FBLN7: variants seen among roughly 807,000 people sequenced by gnomAD.
FBLN7 encodes the protein fibulin 7, also known as fibulin-7.
Under a neutral mutation model 44.0 loss-of-function variants are expected in FBLN7, and 31 were observed. The ratio of observed to expected loss-of-function variants is 0.70; its 90% confidence interval spans 0.53 to 0.95. The LOEUF (loss-of-function observed/expected upper bound fraction) is 0.95. FBLN7 is among the 40% of genes least tolerant of loss of function. The pLI, the probability that FBLN7 is intolerant of heterozygous loss-of-function variation, is 0.00. For synonymous variants in FBLN7, 262 were observed against 253.4 expected, an observed-to-expected ratio of 1.03 and a Z score of -0.32; for missense variants, 573 against 618.5, an observed-to-expected ratio of 0.93 and a Z score of 0.78.
chr2:112,153,678 C>T (rs1411341481), intron 1 of FBLN7, among the ~76,000 whole-genome samples: 1 of 152,210 alleles, frequency 6.6e-6, no homozygotes, highest in Non-Finnish European at 1.5e-5. Context: ...GGGGGACACA[C>T]ACCCATCTTT....
the FBLN7 span, chr2:112,211,454 C>T: frequency 1.3e-5 from 2 of 152,318 alleles, no homozygotes; most frequent in African/African-American, 4.8e-5. Context: ...CAAAGAACCA[C>T]TCTTTTTCAT....
the FBLN7 span, among the ~76,000 whole-genome samples, chr2:112,229,741 C>A: frequency 1.4e-3 from 211 of 152,180 alleles, no homozygotes; most frequent in African/African-American, 4.8e-3. Flanking sequence ...TGCTAAGCAC[C>A]ATTACTGTAC....
chr2:112,203,056 A>G, the FBLN7 span, among the ~76,000 whole-genome samples: 1 of 152,216 alleles, frequency 6.6e-6, no homozygotes, highest in African/African-American at 2.4e-5. Flanking sequence ...AAACAAAAAA[A>G]CAAAAAAACT....
intron 1 of FBLN7, among the ~76,000 whole-genome samples, chr2:112,145,576 A>T (rs1680864362): frequency 6.6e-6 from 1 of 152,154 alleles, no homozygotes; most frequent in Non-Finnish European, 1.5e-5. Flanking sequence ...TTAGTTTATC[A>T]ATTTTTTATT....
intron 6 of FBLN7, among the ~76,000 whole-genome samples, chr2:112,183,508 C>T (rs1223937117): frequency 6.6e-6 from 1 of 152,144 alleles, no homozygotes; most frequent in African/African-American, 2.4e-5. Context: ...GGGGGCTTAT[C>T]AGAGCCTGAA....
At chr2:112,216,347 C>T in the FBLN7 span, 16,684 of 152,450 alleles carry the variant, frequency 0.11, 1,227 homozygotes, top group Non-Finnish European at 0.16. Context: ...AGCTGCACAT[C>T]ACCCCAGTCA....
intron 3 of FBLN7, among the ~76,000 whole-genome samples, chr2:112,170,007 G>A (rs1245359635): frequency 2.6e-5 from 4 of 152,268 alleles, no homozygotes; most frequent in Non-Finnish European, 4.4e-5. Context: ...TTGGGAGGCC[G>A]AGGTGGATGG....
At chr2:112,218,118 A>G in the FBLN7 span, among the ~76,000 whole-genome samples, 1 of 152,222 alleles carries the variant, frequency 6.6e-6, no homozygotes, top group Admixed American at 6.5e-5. Context: ...TGCAACTCAG[A>G]TAACACAGCA....
chr2:112,179,352 A>G (rs1054812586), intron 4 of FBLN7, among the ~76,000 whole-genome samples: 27 of 152,238 alleles, frequency 1.8e-4, no homozygotes, highest in African/African-American at 6.5e-4. Flanking sequence ...AGACACAGAC[A>G]AATGAAAAAA....
At chr2:112,219,816 C>T in the FBLN7 span, among the ~76,000 whole-genome samples, 1 of 152,238 alleles carries the variant, frequency 6.6e-6, no homozygotes, top group East Asian at 1.9e-4. Flanking sequence ...AGGTCCCAAA[C>T]ATCTTTGTTA....
chr2:112,186,234 G>A (rs1294672183), intron 7 of FBLN7, among the ~76,000 whole-genome samples: 2 of 152,062 alleles, frequency 1.3e-5, no homozygotes, highest in East Asian at 1.9e-4. Context: ...CTACAGAATC[G>A]CCAAATATAC....
At chr2:112,170,482 A>G (rs1452214855) in intron 3 of FBLN7, among the ~76,000 whole-genome samples, 2 of 149,890 alleles carry the variant, frequency 1.3e-5, no homozygotes, top group Non-Finnish European at 3.0e-5. Flanking sequence ...AGTCGAGATC[A>G]TGCTACTGCA....
rs929752921 is a variant in FBLN7 at position 112,138,470 on chromosome 2, C to T, written c.-186C>T. The T allele has an allele frequency of 3.7e-6, 2 of 538,842 alleles. No individual in the cohort carries two copies. Among genetic ancestry groups the T allele is most frequent in the East Asian group, 5.9e-5 (1 of 16,820 alleles). The allele number at this position is 538,842 out of a possible 1,614,324, so 33.4% of individuals were successfully genotyped here. A position where few individuals can be genotyped will look rare whatever the true frequency, so the allele number is the denominator to read the frequency against. The stretch of plus-strand genomic sequence containing the variant: ...GGCGCACCTGGACCCTCGCAAGGCC[C>T]GGGCGGCGCCGATCCCCGCGGGACG... On this transcript the variant is annotated 5_prime_UTR_variant, in exon 1 of 8. Transcript: ENST00000331203.
At chr2:112,228,944 A>G in the FBLN7 span, among the ~76,000 whole-genome samples, 8 of 152,222 alleles carry the variant, frequency 5.3e-5, no homozygotes, top group East Asian at 1.5e-3. Flanking sequence ...CAATAAGCAC[A>G]TGAAAAGATG....
At chr2:112,197,163 G>A in the FBLN7 span, among the ~76,000 whole-genome samples, 1 of 149,918 alleles carries the variant, frequency 6.7e-6, no homozygotes, top group African/African-American at 2.5e-5. Flanking sequence ...ATGTTATTTA[G>A]TAATAATGTC....
intron 6 of FBLN7, among the ~76,000 whole-genome samples, 162 bp from the exon 7 acceptor site, chr2:112,185,039 C>A (rs1395519057): frequency 6.6e-6 from 1 of 151,904 alleles, no homozygotes; most frequent in Non-Finnish European, 1.5e-5. Context: ...CCTCAGGGCC[C>A]TGATTCCACA....
In FBLN7 at chr2:112,187,386, G is replaced by A. The variant is rs565012617; in HGVS notation, c.1200G>A (p.Gln400=). The A allele has an allele frequency of 7.4e-5, 120 of 1,614,206 alleles. 1 individual carries two copies. In the South Asian group the frequency reaches 1.3e-3, roughly 17 times the overall value. ...AGACTGGGGATCTGATCCTTGTGCAGAACCTGGAGGGGCCTCAGACGCTGG... is the reference window on the plus strand; with the variant it reads ...AGACTGGGGATCTGATCCTTGTGCAAAACCTGGAGGGGCCTCAGACGCTGG... ...DRQTGDLILV[Q]NLEGPQTLEV... The change falls in exon 8 of 8, where the codon CAG becomes CAA. Residue 400 remains glutamine, a synonymous_variant. Coordinates refer to ENST00000331203, the MANE Select transcript of FBLN7 (RefSeq NM_153214.3). This position sits in a 1 kb window ranked among gnomAD's most constrained non-coding sequence, Gnocchi z 5.1.
the FBLN7 span, chr2:112,214,495 T>C: frequency 6.6e-6 from 1 of 152,168 alleles, no homozygotes; most frequent in Non-Finnish European, 1.5e-5. Flanking sequence ...ATATTATATA[T>C]GCTTGGAGCT....
At chr2:112,151,187 A>G (rs929031319) in intron 1 of FBLN7, 6 of 152,342 alleles carry the variant, frequency 3.9e-5, no homozygotes, top group Non-Finnish European at 8.8e-5. Flanking sequence ...TTCCGTGGGC[A>G]AACGGGAAGG....
Sources: gnomAD v4.1 joint callset for allele counts (sites outside exome capture counted in the v4.1 genomes callset) on GRCh38, gnomAD v4.1.1 for gene constraint, Gnocchi (gnomAD v3.1) non-coding constraint, MANE v1.5 for transcripts, NCBI Gene and HGNC (gene_info 2026-07-23, HGNC 2026-07-21) for gene names.